Variants in KLHL13 observed in about 807,000 individuals in gnomAD.
KLHL13 encodes kelch-like protein 13.
In KLHL13, 10 loss-of-function variants were observed where a neutral mutation model predicts 37.1. That is an observed-to-expected ratio of 0.27 (90% CI 0.17 to 0.46). The LOEUF (loss-of-function observed/expected upper bound fraction) is 0.46, where lower values mean the gene tolerates loss of function less well. Ranked by LOEUF, KLHL13 falls within the 20% of genes least tolerant of loss-of-function variation. KLHL13 has a pLI of 1.00. For missense variants in KLHL13, 360 were observed against 509.3 expected (o/e 0.71, Z 2.82); for synonymous variants, 163 against 181.2 (o/e 0.90, Z 0.81).
chrX:118,031,841 C>T (rs2054353815), intron 1 of KLHL13, among the ~76,000 whole-genome samples: 2 of 108,224 alleles, frequency 1.8e-5, no homozygotes, highest in Admixed American at 2.0e-4. Flanking sequence ...GGGTTCATCT[C>T]ACTAGGGAGT....
chrX:117,977,011 G>T (rs1169448289), upstream of KLHL13, among the ~76,000 whole-genome samples: 1 of 111,989 alleles, frequency 8.9e-6, no homozygotes, highest in African/African-American at 3.2e-5. Context: ...CAGCAAAAGA[G>T]AAACTAGAAA....
intron 1 of KLHL13, among the ~76,000 whole-genome samples, chrX:118,024,212 T>C (rs1161073871): frequency 8.9e-6 from 1 of 112,325 alleles, no homozygotes; most frequent in Non-Finnish European, 1.9e-5. Flanking sequence ...TAAAGTGGTC[T>C]TATTAATCAC....
intron 1 of KLHL13, among the ~76,000 whole-genome samples, chrX:118,110,605 C>T (rs1220317426): frequency 1.8e-5 from 2 of 110,270 alleles, no homozygotes; most frequent in African/African-American, 3.3e-5. Context: ...TCTCGATCTC[C>T]TAACCTTATC....
intron 1 of KLHL13, among the ~76,000 whole-genome samples, chrX:118,090,800 G>A (rs1342176732): frequency 2.9e-4 from 32 of 109,589 alleles, no homozygotes; most frequent in African/African-American, 8.0e-4. Flanking sequence ...AGGATTATAA[G>A]TCATGCTGCT....
chrX:117,956,157 A>G (rs753648479), intron 1 of KLHL13, among the ~76,000 whole-genome samples: 3 of 112,093 alleles, frequency 2.7e-5, no homozygotes, highest in South Asian at 3.7e-4. Context: ...CAAAACTACC[A>G]TAAGTGTTTA....
intron 1 of KLHL13, among the ~76,000 whole-genome samples, chrX:118,027,370 C>T (rs1452782368): frequency 1.8e-5 from 2 of 110,695 alleles, no homozygotes; most frequent in Non-Finnish European, 3.8e-5. Context: ...TAAAGAGCAC[C>T]CATTTTTCTT....
chrX:117,990,251 T>C (rs1267418053), intron 1 of KLHL13, among the ~76,000 whole-genome samples: 1 of 111,509 alleles, frequency 9.0e-6, no homozygotes, highest in Non-Finnish European at 1.9e-5. Context: ...AGTAGGTATA[T>C]AATAACTTTA....
intron 1 of KLHL13, among the ~76,000 whole-genome samples, chrX:117,997,428 G>T (rs1365710917): frequency 8.9e-6 from 1 of 111,760 alleles, no homozygotes; most frequent in Non-Finnish European, 1.9e-5. Flanking sequence ...CTATCTTGTA[G>T]ATTTTACTGC....
intron 6 of KLHL13, among the ~76,000 whole-genome samples, chrX:117,900,275 C>T (rs1354431150): frequency 2.7e-5 from 3 of 112,302 alleles, no homozygotes; most frequent in African/African-American, 9.7e-5. Context: ...ATCACTATCA[C>T]TGTTTCCTTC....
At chrX:118,114,716 A>T (rs1424854733) in intron 1 of KLHL13, among the ~76,000 whole-genome samples, 1 of 112,009 alleles carries the variant, frequency 8.9e-6, no homozygotes, top group East Asian at 2.8e-4. Context: ...ACTACAAATC[A>T]TCTGCAAGTT....
At chrX:118,094,856 C>T (rs779294705) in intron 1 of KLHL13, among the ~76,000 whole-genome samples, 1 of 111,160 alleles carries the variant, frequency 9.0e-6, no homozygotes, top group Non-Finnish European at 1.9e-5. Flanking sequence ...ATTTTGTCAC[C>T]ACCAGGCCTG....
At chrX:117,971,738 T>C (rs2053526834) in intron 1 of KLHL13, among the ~76,000 whole-genome samples, 2 of 111,252 alleles carry the variant, frequency 1.8e-5, no homozygotes, top group Admixed American at 1.9e-4. Flanking sequence ...CATCTCTACC[T>C]CACATAAAAC....
chrX:117,921,539 C>A (rs1931701089), intron 2 of KLHL13, among the ~76,000 whole-genome samples: 1 of 111,545 alleles, frequency 9.0e-6, no homozygotes, highest in Admixed American at 9.5e-5. Flanking sequence ...TTATAAAAAA[C>A]CAGGAAGACA....
At chrX:117,996,466 T>A (rs5956838) in intron 1 of KLHL13, among the ~76,000 whole-genome samples, 1 of 111,553 alleles carries the variant, frequency 9.0e-6, no homozygotes, top group South Asian at 3.7e-4. Flanking sequence ...AAAAAGAGCA[T>A]AGAACCGATT....
chrX:118,052,596 G>A (rs2054628621), intron 1 of KLHL13, among the ~76,000 whole-genome samples: 2 of 108,224 alleles, frequency 1.8e-5, no homozygotes, highest in African/African-American at 6.7e-5. Context: ...GGGAGGCCGA[G>A]GTGGGCAGAT....
intron 4 of KLHL13, among the ~76,000 whole-genome samples, chrX:117,915,481 CA>C (rs1395045120): frequency 9.0e-6 from 1 of 111,301 alleles, no homozygotes; most frequent in African/African-American, 3.3e-5. Context: ...TCACTGATAA[CA>C]AATGTGCAGG....
chrX:118,035,081 A>G (rs6645436), intron 1 of KLHL13, among the ~76,000 whole-genome samples: 12,904 of 94,257 alleles, frequency 0.14, 2,906 homozygotes, highest in African/African-American at 0.52. Context: ...AACAGGAGCT[A>G]AAATTGTGGC....
At chrX:117,926,434 G>A (rs1327120084) in intron 2 of KLHL13, among the ~76,000 whole-genome samples, 1 of 111,189 alleles carries the variant, frequency 9.0e-6, no homozygotes, top group Non-Finnish European at 1.9e-5. Flanking sequence ...AGCGAGTAAT[G>A]ATAAACATCT....
In KLHL13 at chrX:118,004,515, T is replaced by G. The variant is rs182411236; in HGVS notation, c.-55-58940A>C. 4.5e-5 allele frequency among the ~76,000 whole-genome samples: 5 copies of G among 111,715 alleles called. No individual in the cohort carries two copies. The East Asian group carries it at 1.4e-3, about 31-fold the overall frequency. The stretch of plus-strand genomic sequence containing the variant: ...AACTCCAAACATAAGGAAGGATGAT[T>G]GAGACTTGTGAAAAAGATACATAAA... On this transcript the variant is annotated intron_variant, in intron 1 of 6. Coordinates refer to the KLHL13 transcript ENST00000371882.
Sources: allele counts gnomAD v4.1 joint callset (sites outside exome capture counted in the v4.1 genomes callset), GRCh38; gene constraint gnomAD v4.1.1; transcripts MANE v1.5; gene names NCBI Gene and HGNC (gene_info 2026-07-23, HGNC 2026-07-21).